The following ADAM20 variants were observed in gnomAD, a reference collection of about 807,000 sequenced individuals.
ADAM20 encodes ADAM metallopeptidase domain 20.
For missense variants in ADAM20, 871 were observed against 883.2 expected, an observed-to-expected ratio of 0.99 and a Z score of 0.18; for synonymous variants, 305 against 310.2, an observed-to-expected ratio of 0.98 and a Z score of 0.18.
At chr14:70,536,322 C>G (rs962176789), upstream of ADAM20, among the ~76,000 whole-genome samples, 1 of 151,430 alleles carries the variant, frequency 6.6e-6, no homozygotes, top group Non-Finnish European at 1.5e-5. Context: ...AAAAATTAGC[C>G]AGGCGTGGTG....
chr14:70,569,093 T>C, the ADAM20 span, among the ~76,000 whole-genome samples: 1 of 152,012 alleles, frequency 6.6e-6, no homozygotes, highest in African/African-American at 2.4e-5. Context: ...GCAGAAACCT[T>C]ACAAGCCAGA....
the ADAM20 span, among the ~76,000 whole-genome samples, chr14:70,566,981 C>T: frequency 1.4e-5 from 2 of 147,322 alleles, no homozygotes; most frequent in Middle Eastern, 3.4e-3. Context: ...ATACTCCGTT[C>T]AAAAAAAAAA....
chr14:70,577,909 G>A, the ADAM20 span, among the ~76,000 whole-genome samples: 8 of 152,058 alleles, frequency 5.3e-5, no homozygotes, highest in Admixed American at 2.0e-4. Context: ...AAATGTAAGC[G>A]CTTAAACTGG....
rs1012830688 is a variant in ADAM20 at position 70,522,785 on chromosome 14, C to T, written c.1973G>A (p.Trp658Ter). Residue 658 changes from tryptophan (W) to a stop codon, truncating the protein, a stop_gained, in exon 2 of 2, where the codon TGG (tryptophan) becomes TAG (stop). Transcript: ENST00000256389. LOFTEE classifies it low-confidence loss of function (END_TRUNC). ...NKQHCHCNHEWAPPYCKDKGY... is the reference protein window; with the variant it reads ...NKQHCHCNHE Reference sequence around the variant, plus strand: ...TTTGTCCTTGCAGTATGGGGGTGCCCATTCATGGTTGCAGTGACAGTGTTG... The same window carrying T: ...TTTGTCCTTGCAGTATGGGGGTGCCTATTCATGGTTGCAGTGACAGTGTTG... 3.1e-6 allele frequency: 5 copies of T among 1,613,882 alleles called. No individual in the cohort carries two copies. Among genetic ancestry groups the T allele is most frequent in the Non-Finnish European group, 4.2e-6 (5 of 1,179,944 alleles).
rs558970714 is a variant in ADAM20, at chr14:70,523,778, A to G, written c.980T>C (p.Val327Ala). 6.2e-7 allele frequency: 1 copy of G among 1,614,082 alleles called. No homozygotes were observed. Among genetic ancestry groups the G allele is most frequent in the Non-Finnish European group, 8.5e-7 (1 of 1,179,970 alleles). Residue 327 changes from valine to alanine, a missense_variant, in exon 2 of 2, where the codon GTT becomes GCT. By Grantham distance (64) the Val-to-Ala change is moderately conservative (BLOSUM62 0). Transcript: ENST00000256389. ...CQNPFNTGVD[V>A]FEDNRLVVFA... ...AACGACCAACCTGTTGTCTTCAAAA[A>G]CATCAACTCCAGTATTAAAAGGATT...
chr14:70,544,750 C>G, the ADAM20 span, among the ~76,000 whole-genome samples: 1 of 151,966 alleles, frequency 6.6e-6, no homozygotes, highest in Non-Finnish European at 1.5e-5. Flanking sequence ...CTAATTACAC[C>G]AGTTTCATTA....
chr14:70,577,416 T>C, the ADAM20 span, among the ~76,000 whole-genome samples: 1 of 152,120 alleles, frequency 6.6e-6, no homozygotes, highest in Non-Finnish European at 1.5e-5. Flanking sequence ...AAAAAGTACA[T>C]ATAAAATGTG....
At chr14:70,567,078 G>C in the ADAM20 span, among the ~76,000 whole-genome samples, 2 of 152,132 alleles carry the variant, frequency 1.3e-5, no homozygotes, top group East Asian at 3.8e-4. Context: ...TCATGACCTA[G>C]GGCAAAGCTA....
At chr14:70,576,707 C>T in the ADAM20 span, among the ~76,000 whole-genome samples, 1 of 152,064 alleles carries the variant, frequency 6.6e-6, no homozygotes, top group Admixed American at 6.6e-5. Flanking sequence ...GTCAGAACTA[C>T]GTAGGGTACA....
chr14:70,554,930 G>A, the ADAM20 span, among the ~76,000 whole-genome samples: 1 of 152,184 alleles, frequency 6.6e-6, no homozygotes, highest in Non-Finnish European at 1.5e-5. Context: ...GAGCATGGGG[G>A]CTCAAAGGCG....
chr14:70,570,182 C>A, the ADAM20 span, among the ~76,000 whole-genome samples: 1 of 151,844 alleles, frequency 6.6e-6, no homozygotes, highest in Non-Finnish European at 1.5e-5. Context: ...TAAATGCCTA[C>A]GTGAAAAGAT....
chr14:70,524,603 C>A lies in ADAM20; in HGVS notation c.155G>T (p.Gly52Val), dbSNP rs1311569443. 2.5e-6 allele frequency: 4 copies of A among 1,613,974 alleles called. No homozygotes were observed. Among genetic ancestry groups the A allele is most frequent in the Non-Finnish European group, 3.4e-6 (4 of 1,179,934 alleles). Residue 52 changes from glycine to valine, a missense_variant, in exon 2 of 2, where the codon GGC becomes GTC. Transcript: ENST00000256389. ...CCATCCAGGAGCCTTTGCACCTCTG[C>A]CCCTGCTGATCACCTTCAAAGGGAT... The part of the protein sequence containing the change: ...VVIPLKVISR[G>V]RGAKAPGWLS...
chr14:70,571,513 A>C, the ADAM20 span, among the ~76,000 whole-genome samples: 1 of 152,230 alleles, frequency 6.6e-6, no homozygotes, highest in African/African-American at 2.4e-5. Context: ...CTGTGAGTCA[A>C]TTAAGCCTCT....
intron 1 of ADAM20, among the ~76,000 whole-genome samples, chr14:70,528,803 C>T (rs1184326892): frequency 3.3e-5 from 5 of 152,184 alleles, no homozygotes; most frequent in Admixed American, 2.6e-4. Context: ...TTGAGTCTGA[C>T]AGAATGGGCA....
chr14:70,523,462 A>T lies in ADAM20; in HGVS notation c.1296T>A (p.Asp432Glu). 1 of 1,614,072 alleles carries T rather than the reference A, an allele frequency of 6.2e-7. No homozygotes were observed. Among genetic ancestry groups the T allele is most frequent in the Non-Finnish European group, 8.5e-7 (1 of 1,179,978 alleles). The change falls in exon 2 of 2, where the codon GAT (aspartate) becomes GAA (glutamate). Residue 432 changes from aspartate to glutamate, a missense_variant. Coordinates refer to ENST00000256389, the MANE Select transcript of ADAM20 (RefSeq NM_003814.5). ...GAGTACAGTTTAACAGACAACAGGG[A>T]TCTTTTGCACACTGCCGTATGGTTC... is the stretch of plus-strand genomic sequence containing the variant. Reference protein sequence around the residue: ...DCGTIRQCAKDPCCLLNCTLH... With the variant: ...DCGTIRQCAKEPCCLLNCTLH...
rs1566656028 is a variant in ADAM20 at position 70,524,530 on chromosome 14, C to G, written c.228G>C (p.Met76Ile). The G allele has an allele frequency of 6.2e-7, 1 of 1,614,044 alleles. No individual in the cohort carries two copies. Residue 76 changes from methionine (M) to isoleucine (I), a missense_variant, in exon 2 of 2, where the codon ATG becomes ATC. Coordinates refer to ENST00000256389, the MANE Select transcript of ADAM20 (RefSeq NM_003814.5). ...RFGGQRYIVH[M>I]RVNKLLFAAH... ...CAGCAAACAACAGCTTATTTACCCT[C>G]ATGTGGACAATGTATCTCTGTCCCC...
chr14:70,529,968 A>G (rs1256309497), intron 1 of ADAM20, among the ~76,000 whole-genome samples: 1 of 152,174 alleles, frequency 6.6e-6, no homozygotes, highest in Non-Finnish European at 1.5e-5. Context: ...AACATAAAAC[A>G]TTGTACAGCT....
intron 1 of ADAM20, among the ~76,000 whole-genome samples, chr14:70,529,970 T>C (rs1295709540): frequency 2.0e-5 from 3 of 152,182 alleles, no homozygotes; most frequent in Admixed American, 6.6e-5. Context: ...CATAAAACAT[T>C]GTACAGCTGT....
chr14:70,559,631 A>G, the ADAM20 span, among the ~76,000 whole-genome samples: 102 of 152,334 alleles, frequency 6.7e-4, 1 homozygote, highest in South Asian at 8.7e-3. Flanking sequence ...GTTGTACCCA[A>G]TATACCTCCT....
Sources: allele counts gnomAD v4.1 joint callset (sites outside exome capture counted in the v4.1 genomes callset), GRCh38; gene constraint gnomAD v4.1.1; transcripts MANE v1.5; gene names NCBI Gene and HGNC (gene_info 2026-07-23, HGNC 2026-07-21).